Variants in TOP6BL observed in about 807,000 individuals in gnomAD.
The protein encoded by TOP6BL is TOP6B like initiator of meiotic double strand breaks.
chr11:66,783,221 C>A, the TOP6BL span, among the ~76,000 whole-genome samples: 1 of 152,018 alleles, frequency 6.6e-6, no homozygotes, highest in African/African-American at 2.4e-5. Context: ...AAAAGATTAG[C>A]TGGGCATCGT....
the TOP6BL span, among the ~76,000 whole-genome samples, chr11:66,826,681 T>G: frequency 1.1e-4 from 16 of 149,586 alleles, no homozygotes; most frequent in Non-Finnish European, 2.4e-4. Flanking sequence ...TTTTTATTTT[T>G]TATTTATTTA....
At chr11:66,802,351 C>T in the TOP6BL span, among the ~76,000 whole-genome samples, 1 of 152,080 alleles carries the variant, frequency 6.6e-6, no homozygotes, top group African/African-American at 2.4e-5. Context: ...AATGGGGTTT[C>T]ACCATGTTGG....
the TOP6BL span, among the ~76,000 whole-genome samples, chr11:66,792,646 CTTA>C: frequency 6.6e-6 from 1 of 152,172 alleles, no homozygotes; most frequent in South Asian, 2.1e-4. Flanking sequence ...AATTAATTAG[CTTA>C]TTGAGTCTCA....
the TOP6BL span, among the ~76,000 whole-genome samples, chr11:66,811,656 A>G: frequency 1.3e-5 from 2 of 152,256 alleles, no homozygotes; most frequent in Non-Finnish European, 2.9e-5. Flanking sequence ...CTTTATATGA[A>G]TTGTTATAAT....
the TOP6BL span, among the ~76,000 whole-genome samples, chr11:66,817,375 C>T: frequency 8.5e-5 from 13 of 152,142 alleles, no homozygotes; most frequent in Admixed American, 2.6e-4. Context: ...AGAGATAAAA[C>T]AGTGGTTTCA....
At chr11:66,753,531 C>T in the TOP6BL span, among the ~76,000 whole-genome samples, 1 of 148,626 alleles carries the variant, frequency 6.7e-6, no homozygotes, top group African/African-American at 2.5e-5. Flanking sequence ...CTCAGCCTCC[C>T]GAGTAGCTGG....
At chr11:66,802,787 C>T in the TOP6BL span, among the ~76,000 whole-genome samples, 3 of 152,144 alleles carry the variant, frequency 2.0e-5, no homozygotes, top group Non-Finnish European at 2.9e-5. Flanking sequence ...TTTCCCCACC[C>T]CATATCTTTC....
At chr11:66,797,126 A>G in the TOP6BL span, among the ~76,000 whole-genome samples, 3 of 151,120 alleles carry the variant, frequency 2.0e-5, no homozygotes, top group Non-Finnish European at 4.4e-5. Context: ...CCGCCTTCCT[A>G]GTAGCTGGGA....
chr11:66,793,896 A>G, the TOP6BL span, among the ~76,000 whole-genome samples: 2 of 152,042 alleles, frequency 1.3e-5, no homozygotes, highest in Non-Finnish European at 2.9e-5. Context: ...GCTTGAGGCC[A>G]AGAGTTTGAG....
At chr11:66,827,223 T>C in the TOP6BL span, among the ~76,000 whole-genome samples, 1 of 149,866 alleles carries the variant, frequency 6.7e-6, no homozygotes, top group East Asian at 2.0e-4. Flanking sequence ...GCTAATTTTG[T>C]ATTTTCAGTA....
At chr11:66,745,050 C>T in the TOP6BL span, 1 of 960,026 alleles carries the variant, frequency 1.0e-6, no homozygotes, top group Non-Finnish European at 1.4e-6. Context: ...GAATCGAGGC[C>T]CGTCTCCCAC....
chr11:66,825,163 C>T, the TOP6BL span, among the ~76,000 whole-genome samples: 1 of 151,444 alleles, frequency 6.6e-6, no homozygotes, highest in Non-Finnish European at 1.5e-5. Context: ...TGTGCCCAGC[C>T]GGATTAGTGC....
the TOP6BL span, among the ~76,000 whole-genome samples, chr11:66,745,314 T>A: frequency 1.2e-4 from 13 of 111,116 alleles, no homozygotes; most frequent in African/African-American, 2.9e-4. Context: ...CGGGGCGGGG[T>A]GGGGGGAGTC....
the TOP6BL span, among the ~76,000 whole-genome samples, chr11:66,768,592 A>T: frequency 6.6e-6 from 1 of 151,818 alleles, no homozygotes; most frequent in Non-Finnish European, 1.5e-5. Context: ...TTGTTGCCAA[A>T]TTTACCTAAC....
chr11:66,810,680 C>T, the TOP6BL span, among the ~76,000 whole-genome samples: 1 of 152,202 alleles, frequency 6.6e-6, no homozygotes, highest in Admixed American at 6.5e-5. Context: ...AGAAGGTGAA[C>T]ATTACAGTAG....
chr11:66,777,953 T>G, the TOP6BL span, among the ~76,000 whole-genome samples: 11 of 152,228 alleles, frequency 7.2e-5, no homozygotes, highest in East Asian at 2.1e-3. Flanking sequence ...ATTGGGAATT[T>G]CAATTACTTA....
the TOP6BL span, among the ~76,000 whole-genome samples, chr11:66,783,208 G>GA: frequency 6.6e-6 from 1 of 152,030 alleles, no homozygotes; most frequent in African/African-American, 2.4e-5. Flanking sequence ...TTAATATAAA[G>GA]AAAAAAGATT....
At chr11:66,808,139 G>A in the TOP6BL span, among the ~76,000 whole-genome samples, 1 of 152,218 alleles carries the variant, frequency 6.6e-6, no homozygotes, top group African/African-American at 2.4e-5. Context: ...ATAACCAGGT[G>A]TAAGAAAGGA....
the TOP6BL span, among the ~76,000 whole-genome samples, chr11:66,831,919 C>T: frequency 1.3e-5 from 2 of 148,718 alleles, no homozygotes; most frequent in African/African-American, 5.0e-5. Flanking sequence ...ATTGCTTGAA[C>T]CCGGGCGGCA....
Sources: gnomAD v4.1 joint callset for allele counts (sites outside exome capture counted in the v4.1 genomes callset) on GRCh38, gnomAD v4.1.1 for gene constraint, MANE v1.5 for transcripts, NCBI Gene and HGNC (gene_info 2026-07-23, HGNC 2026-07-21) for gene names.